The following TSG101 variants were observed in gnomAD, a reference collection of about 807,000 sequenced individuals.
TSG101 encodes tumor susceptibility gene 101 protein.
A neutral mutation model predicts 48.5 loss-of-function variants in TSG101; 19 were observed. That is an observed-to-expected ratio of 0.39 (90% CI 0.27 to 0.58). The LOEUF is 0.58. Among genes scored for constraint, TSG101 ranks in the 20% least tolerant of loss-of-function variants. TSG101 has a pLI of 0.55. For synonymous variants in TSG101, 174 were observed against 169.4 expected (o/e 1.03, Z -0.21); for missense variants, 365 against 484.4 (o/e 0.75, Z 2.31).
Position 18,490,672 on chromosome 11 carries a change from G to A in TSG101, c.641-6600C>T, listed in dbSNP as rs180892481. 5.0e-5 allele frequency: 22 copies of A among 442,802 alleles called. No individual in the cohort carries two copies. In the East Asian group the frequency reaches 9.4e-4, roughly 19 times the overall value. 27.4% of individuals were successfully genotyped at this position (442,802 alleles called of 1,614,324 possible). Reference sequence around the variant, plus strand: ...GATATTTGTCCAACAGCTCCAGAACGTCATTGCAGATGTCCTGCAGTTCTG... The same window carrying A: ...GATATTTGTCCAACAGCTCCAGAACATCATTGCAGATGTCCTGCAGTTCTG... On this transcript the variant is annotated intron_variant, in intron 7 of 9. Coordinates refer to ENST00000251968, the MANE Select transcript of TSG101 (RefSeq NM_006292.4).
chr11:18,515,202 T>C (rs1850151446), intron 3 of TSG101, among the ~76,000 whole-genome samples: 1 of 152,242 alleles, frequency 6.6e-6, no homozygotes, highest in South Asian at 2.1e-4. Context: ...TTTTTCATTT[T>C]ATAATTCTAT....
intron 6 of TSG101, among the ~76,000 whole-genome samples, chr11:18,505,360 A>C (rs758854845): frequency 3.8e-4 from 58 of 151,606 alleles, no homozygotes; most frequent in Middle Eastern, 3.4e-3. Flanking sequence ...GGCTCAAGTG[A>C]TCCTTCCACC....
chr11:18,500,112 C>T (rs368619928), intron 7 of TSG101, among the ~76,000 whole-genome samples: 7 of 152,248 alleles, frequency 4.6e-5, no homozygotes, highest in South Asian at 4.2e-4. Flanking sequence ...TGTCTTTCTG[C>T]GCCTAGTTTA....
intron 4 of TSG101, chr11:18,511,048 A>T (rs1850072952): frequency 6.6e-6 from 1 of 152,222 alleles, no homozygotes; most frequent in Non-Finnish European, 1.5e-5. Flanking sequence ...TTTACTCCTT[A>T]ATCTATTTTG....
chr11:18,522,743 C>A (rs1032416838), intron 1 of TSG101, among the ~76,000 whole-genome samples: 1 of 152,210 alleles, frequency 6.6e-6, no homozygotes, highest in Non-Finnish European at 1.5e-5. Context: ...GCTGTCTAGA[C>A]CCATACCACC....
At chr11:18,524,085 C>T (rs1456612615) in intron 1 of TSG101, among the ~76,000 whole-genome samples, 1 of 152,218 alleles carries the variant, frequency 6.6e-6, no homozygotes, top group African/African-American at 2.4e-5. Flanking sequence ...AGCCACCACA[C>T]CAGGCCCACA....
At chr11:18,526,688 C>A in intron 1 of TSG101, 87 bp downstream of exon 1, 1 of 1,508,308 alleles carries the variant, frequency 6.6e-7, no homozygotes, top group Non-Finnish European at 8.9e-7. Context: ...GTCTGGGAAG[C>A]TTGCTTGGCT....
chr11:18,507,056 A>C (rs1484880271), intron 5 of TSG101, 133 bp from the exon 6 acceptor site: 4 of 506,262 alleles, frequency 7.9e-6, no homozygotes, highest in African/African-American at 7.7e-5. Context: ...CTCAGCACCA[A>C]AACAAAACAA....
At chr11:18,489,400 CAGA>C (rs1239508503) in intron 7 of TSG101, among the ~76,000 whole-genome samples, 2 of 152,068 alleles carry the variant, frequency 1.3e-5, no homozygotes, top group South Asian at 4.1e-4. Flanking sequence ...ATGCCTGACT[CAGA>C]AGATTATTCT....
chr11:18,483,475 G>T (rs1342261580), intron 8 of TSG101, among the ~76,000 whole-genome samples: 1 of 135,806 alleles, frequency 7.4e-6, no homozygotes, highest in Non-Finnish European at 1.5e-5. Flanking sequence ...CAGCCTGAGC[G>T]CAAGAGTGAA....
intron 1 of TSG101, among the ~76,000 whole-genome samples, chr11:18,520,919 T>C (rs1850261643): frequency 6.6e-6 from 1 of 151,788 alleles, no homozygotes; most frequent in African/African-American, 2.4e-5. Flanking sequence ...TAATCCCAGC[T>C]ACTCAGGAGG....
At chr11:18,495,618 C>A (rs1219441011) in intron 7 of TSG101, among the ~76,000 whole-genome samples, 2 of 149,674 alleles carry the variant, frequency 1.3e-5, no homozygotes, top group African/African-American at 4.9e-5. Flanking sequence ...CCTACAGTAA[C>A]AGGAAAAAGA....
intron 4 of TSG101, among the ~76,000 whole-genome samples, 154 bp from the exon 5 acceptor site, chr11:18,509,819 AGAGTT>A (rs933035326): frequency 2.0e-5 from 3 of 152,216 alleles, no homozygotes; most frequent in South Asian, 2.1e-4. Flanking sequence ...TTATTTTAAT[AGAGTT>A]AAGTGGTTTT....
intron 1 of TSG101, among the ~76,000 whole-genome samples, chr11:18,524,271 G>T (rs920708214): frequency 3.3e-5 from 5 of 152,230 alleles, no homozygotes; most frequent in Admixed American, 1.3e-4. Flanking sequence ...ACAGAGAAAG[G>T]TGTTGAAAGT....
At chr11:18,526,663 C>T (rs1041055710) in intron 1 of TSG101, 112 bp downstream of exon 1, 1 of 1,339,406 alleles carries the variant, frequency 7.5e-7, no homozygotes, top group Non-Finnish European at 1.0e-6. Flanking sequence ...AGGACTGCAC[C>T]GGGGCTTCCG....
chr11:18,499,730 C>T (rs1389583834), intron 7 of TSG101, among the ~76,000 whole-genome samples: 2 of 151,646 alleles, frequency 1.3e-5, no homozygotes, highest in Non-Finnish European at 1.5e-5. Context: ...TTTTTAGATA[C>T]ATAATATTTG....
At chr11:18,506,643 T>C (rs1210349370) in intron 6 of TSG101, among the ~76,000 whole-genome samples, 4 of 151,882 alleles carry the variant, frequency 2.6e-5, no homozygotes, top group Non-Finnish European at 4.4e-5. Context: ...TGAGCCGAGA[T>C]TGCGCCACTG....
chr11:18,500,264 T>C (rs538569883), intron 7 of TSG101, among the ~76,000 whole-genome samples: 3 of 152,376 alleles, frequency 2.0e-5, no homozygotes, highest in African/African-American at 4.8e-5. Flanking sequence ...TCTTAGCTAG[T>C]ATGAATACTG....
chr11:18,487,786 A>G (rs774860587), intron 7 of TSG101, among the ~76,000 whole-genome samples: 6 of 152,190 alleles, frequency 3.9e-5, no homozygotes, highest in Non-Finnish European at 5.9e-5. Flanking sequence ...TGCTTCAGTG[A>G]GCATACATCC....
Sources: allele counts gnomAD v4.1 joint callset (sites outside exome capture counted in the v4.1 genomes callset), GRCh38; gene constraint gnomAD v4.1.1; transcripts MANE v1.5; gene names NCBI Gene and HGNC (gene_info 2026-07-23, HGNC 2026-07-21).